Variants in TNKS observed in about 807,000 individuals in gnomAD.
TNKS encodes the protein poly [ADP-ribose] polymerase tankyrase-1.
In TNKS, 72 loss-of-function variants were observed where a neutral mutation model predicts 135.8. That is an observed-to-expected ratio of 0.53 (90% CI 0.44 to 0.64). The LOEUF is 0.64. TNKS is among the 30% of genes least tolerant of loss of function. The probability of loss-of-function intolerance (pLI) is 0.00; values close to 1 mark genes in which losing one functional copy is unlikely to be tolerated. For missense variants in TNKS, 1,769 were observed against 1,674.0 expected (o/e 1.06, Z -0.99); for synonymous variants, 849 against 649.3 (o/e 1.31, Z -4.68).
At chr8:9,763,063 AT>A (rs66959741) in intron 21 of TNKS, 83 bp from the exon 22 acceptor site, 47,023 of 360,156 alleles carry the variant, frequency 0.13, 784 homozygotes, top group African/African-American at 0.24. Context: ...CTTATTATGA[AT>A]TTTTTTTTTT....
intron 5 of TNKS, 76 bp downstream of exon 5, chr8:9,680,876 G>GCCACATT: frequency 9.7e-7 from 1 of 1,025,682 alleles, no homozygotes. Flanking sequence ...ATATATATAA[G>GCCACATT]CACGTATACC....
chr8:9,679,389 C>T (rs1220903967), intron 3 of TNKS, among the ~76,000 whole-genome samples: 1 of 152,160 alleles, frequency 6.6e-6, no homozygotes, highest in African/African-American at 2.4e-5. Context: ...TATTTCTAGT[C>T]TACAGACCTT....
At chr8:9,609,931 C>T (rs1799385073) in intron 2 of TNKS, among the ~76,000 whole-genome samples, 1 of 152,100 alleles carries the variant, frequency 6.6e-6, no homozygotes, top group Non-Finnish European at 1.5e-5. Context: ...AATCTCAGCT[C>T]ACTGCAAGCT....
chr8:9,574,808 A>G (rs552882527), intron 1 of TNKS, among the ~76,000 whole-genome samples: 5 of 152,222 alleles, frequency 3.3e-5, no homozygotes, highest in African/African-American at 1.2e-4. Context: ...TGAACTATGT[A>G]TGAAAGTATC....
At chr8:9,595,554 CAT>C (rs1486217251) in intron 2 of TNKS, among the ~76,000 whole-genome samples, 3 of 149,234 alleles carry the variant, frequency 2.0e-5, no homozygotes, top group South Asian at 4.4e-4. Context: ...ATACACATAA[CAT>C]ATATATATGT....
chr8:9,751,532 T>A, intron 18 of TNKS, 77 bp from the exon 19 acceptor site: 1 of 1,340,622 alleles, frequency 7.5e-7, no homozygotes, highest in Non-Finnish European at 1.0e-6. Flanking sequence ...ATCCACAAAG[T>A]ATTTGGTTAT....
chr8:9,572,113 C>T (rs1045749278), intron 1 of TNKS, among the ~76,000 whole-genome samples: 2 of 152,160 alleles, frequency 1.3e-5, no homozygotes, highest in African/African-American at 4.8e-5. Context: ...AGCTCACACA[C>T]GTACTACTGA....
intron 2 of TNKS, among the ~76,000 whole-genome samples, chr8:9,584,056 G>T (rs551340832): frequency 8.3e-4 from 125 of 151,186 alleles, no homozygotes; most frequent in African/African-American, 2.8e-3. Flanking sequence ...CCCAGCTACT[G>T]GGGAGGCTGA....
At chr8:9,556,846 C>G (rs1207243345) in intron 1 of TNKS, 2 of 589,072 alleles carry the variant, frequency 3.4e-6, no homozygotes, top group East Asian at 5.5e-5. Flanking sequence ...GTACTCATTA[C>G]AAAACTCACT....
chr8:9,660,107 C>T (rs1801623151), intron 3 of TNKS, among the ~76,000 whole-genome samples: 1 of 152,096 alleles, frequency 6.6e-6, no homozygotes, highest in African/African-American at 2.4e-5. Flanking sequence ...AGCTTACCAA[C>T]CAAAAAAAGT....
At chr8:9,710,829 A>C (rs1291141895) in intron 11 of TNKS, among the ~76,000 whole-genome samples, 2 of 152,212 alleles carry the variant, frequency 1.3e-5, no homozygotes, top group East Asian at 3.9e-4. Context: ...CTGGGAGGCG[A>C]AGCTTGCAGT....
At chr8:9,671,400 A>G (rs998989792) in intron 3 of TNKS, among the ~76,000 whole-genome samples, 4 of 152,368 alleles carry the variant, frequency 2.6e-5, no homozygotes, top group African/African-American at 7.2e-5. Flanking sequence ...AGATACATCC[A>G]TATAATGGAA....
intron 26 of TNKS, 108 bp downstream of exon 26, chr8:9,770,370 G>T: frequency 8.7e-7 from 1 of 1,148,762 alleles, no homozygotes; most frequent in Admixed American, 2.9e-5. Context: ...ACCACACAGT[G>T]TGCTAGTATT....
intron 3 of TNKS, among the ~76,000 whole-genome samples, chr8:9,678,641 A>G (rs1802646149): frequency 6.6e-6 from 1 of 152,230 alleles, no homozygotes; most frequent in Non-Finnish European, 1.5e-5. Flanking sequence ...TTAAAGCTAA[A>G]GAATATTTGC....
intron 1 of TNKS, among the ~76,000 whole-genome samples, chr8:9,576,059 G>T (rs1301242581): frequency 6.6e-6 from 1 of 152,216 alleles, no homozygotes; most frequent in Non-Finnish European, 1.5e-5. Context: ...CATATTTCCA[G>T]AAGCTTCTAG....
Position 9,747,899 on chromosome 8 carries a change from ACTTCT to A in TNKS, c.2644-124_2644-120del, listed in dbSNP as rs1806317384. On this transcript the variant is annotated intron_variant, in intron 17 of 26. Coordinates refer to ENST00000310430, the MANE Select transcript of TNKS (RefSeq NM_003747.3). Reference sequence around the variant, plus strand: ...TGAAATACTCTTTTTTTTAGAAGAAACTTCTGTTAAGGATGAAAATGGAGATACAG... The same window carrying A: ...TGAAATACTCTTTTTTTTAGAAGAAAGTTAAGGATGAAAATGGAGATACAG... 6.5e-6 allele frequency: 6 copies of A among 924,790 alleles called. No homozygotes were observed. In the East Asian group the frequency reaches 1.7e-4, roughly 26 times the overall value. The allele number at this position is 924,790 out of a possible 1,614,324, so 57.3% of individuals were successfully genotyped here. A position where few individuals can be genotyped will look rare whatever the true frequency, so the allele number is the denominator to read the frequency against.
At position 9,661,033 on chromosome 8, in the gene TNKS, G is replaced by A. The variant is rs1465615343; in HGVS notation, c.995-18918G>A. On this transcript the variant is annotated intron_variant, in intron 3 of 26. Coordinates refer to ENST00000310430, the MANE Select transcript of TNKS (RefSeq NM_003747.3). ...TAGGAATCCAACTTACAAGGGACGT[G>A]AAGGACCTCTTCAAGGAGAACTACA... Among the ~76,000 whole-genome samples, 7 of 151,394 alleles carry A rather than the reference G, an allele frequency of 4.6e-5. No individual in the cohort carries two copies. The South Asian group carries it at 1.5e-3, about 32-fold the overall frequency.
At chr8:9,650,485 T>G (rs1008170330) in intron 3 of TNKS, among the ~76,000 whole-genome samples, 8 of 152,182 alleles carry the variant, frequency 5.3e-5, no homozygotes, top group African/African-American at 1.9e-4. Flanking sequence ...CATCTGTTAT[T>G]TTTTTATTTC....
intron 20 of TNKS, among the ~76,000 whole-genome samples, chr8:9,759,667 G>GT (rs1485648339): frequency 6.6e-6 from 1 of 152,118 alleles, no homozygotes; most frequent in Non-Finnish European, 1.5e-5. Flanking sequence ...TGCACTGTAT[G>GT]TATCAATCCA....
Sources: allele counts gnomAD v4.1 joint callset (sites outside exome capture counted in the v4.1 genomes callset), GRCh38; gene constraint gnomAD v4.1.1; transcripts MANE v1.5; gene names NCBI Gene and HGNC (gene_info 2026-07-23, HGNC 2026-07-21).